Variants in ASTN2 observed in about 807,000 individuals in gnomAD.
ASTN2 encodes astrotactin-2.
ASTN2 carries 54 observed loss-of-function variants against 139.8 expected under a neutral mutation model. That is an observed-to-expected ratio of 0.39 (90% CI 0.31 to 0.48). The LOEUF (loss-of-function observed/expected upper bound fraction) is 0.48. Ranked by LOEUF, ASTN2 falls within the 20% of genes least tolerant of loss-of-function variation. ASTN2 has a pLI of 0.95. For synonymous variants in ASTN2, 756 were observed against 719.5 expected, an observed-to-expected ratio of 1.05 and a Z score of -0.81; for missense variants, 1,565 against 1,725.1, an observed-to-expected ratio of 0.91 and a Z score of 1.64.
At chr9:117,147,914 A>T (rs538408613) in intron 3 of ASTN2, among the ~76,000 whole-genome samples, 15 of 152,198 alleles carry the variant, frequency 9.9e-5, no homozygotes, top group African/African-American at 3.1e-4. Flanking sequence ...TGGAGTTTGG[A>T]TGTGACATTT....
intron 11 of ASTN2, among the ~76,000 whole-genome samples, chr9:116,858,932 T>A (rs575115683): frequency 6.6e-6 from 1 of 152,228 alleles, no homozygotes; most frequent in Admixed American, 6.5e-5. Flanking sequence ...CTCACAGTTC[T>A]ACAATTTAAA....
At chr9:117,147,854 A>T (rs1428386356) in intron 3 of ASTN2, among the ~76,000 whole-genome samples, 1 of 152,034 alleles carries the variant, frequency 6.6e-6, no homozygotes, top group African/African-American at 2.4e-5. Flanking sequence ...CTGTTGCTGC[A>T]CTCTATAAGT....
At chr9:116,687,140 G>A (rs1860271351) in intron 16 of ASTN2, 3 of 1,086,456 alleles carry the variant, frequency 2.8e-6, no homozygotes, top group Admixed American at 4.3e-5. Flanking sequence ...CGGAAAACTG[G>A]ATTACGTGTC....
At chr9:116,752,913 T>C (rs1829435736) in intron 13 of ASTN2, among the ~76,000 whole-genome samples, 1 of 152,200 alleles carries the variant, frequency 6.6e-6, no homozygotes, top group African/African-American at 2.4e-5. Flanking sequence ...TAATTGCTGG[T>C]GGGAATGCAA....
At chr9:117,111,618 T>C (rs924825580) in intron 4 of ASTN2, among the ~76,000 whole-genome samples, 2 of 151,948 alleles carry the variant, frequency 1.3e-5, no homozygotes, top group Admixed American at 1.3e-4. Flanking sequence ...CAGAGAGATA[T>C]AGAATAATAA....
rs1165741544 is a variant in ASTN2 at position 116,585,686 on chromosome 9, TAAATTTAAGTCCTCC to T, written c.3355+32623_3355+32637del. ...ATTAACTCAAGATGGATTAAAGATT[TAAATTTAAGTCCTCC>T]AACTATAAGAATCCTAGAAGAAAAC... On this transcript the variant is annotated intron_variant, in intron 19 of 22. Transcript: ENST00000313400. 3.3e-5 allele frequency: 5 copies of T among 152,304 alleles called. No homozygotes were observed. In the East Asian group the frequency reaches 9.6e-4, roughly 29 times the overall value. The allele number at this position is 152,304 out of a possible 1,614,324, so 9.4% of individuals were successfully genotyped here.
intron 3 of ASTN2, chr9:117,197,434 T>C (rs758179972): frequency 2.6e-5 from 4 of 152,218 alleles, no homozygotes; most frequent in Non-Finnish European, 4.4e-5. Flanking sequence ...CAGTACAGAC[T>C]TCAGTGGGAG....
chr9:116,464,735 C>T (rs539330764), intron 20 of ASTN2, among the ~76,000 whole-genome samples: 1 of 152,268 alleles, frequency 6.6e-6, no homozygotes, highest in South Asian at 2.1e-4. Context: ...AATTTTGTTT[C>T]TGTTTTTTGT....
At chr9:117,092,765 C>T (rs529724124) in intron 5 of ASTN2, among the ~76,000 whole-genome samples, 5 of 152,222 alleles carry the variant, frequency 3.3e-5, no homozygotes, top group African/African-American at 7.2e-5. Flanking sequence ...GCTCACACAC[C>T]CCTGGGCAGA....
At chr9:117,169,026 A>T (rs1830731140) in intron 3 of ASTN2, among the ~76,000 whole-genome samples, 1 of 152,160 alleles carries the variant, frequency 6.6e-6, no homozygotes, top group Non-Finnish European at 1.5e-5. Context: ...TGGGGATAAT[A>T]GCGCTTACCT....
chr9:117,382,991 T>C lies in ASTN2; in HGVS notation c.442+31506A>G, dbSNP rs188504613. Among the ~76,000 whole-genome samples, 70 of 152,274 alleles carry C rather than the reference T, an allele frequency of 4.6e-4. No homozygotes were observed. The East Asian group carries it at 0.013, about 27-fold the overall frequency. On this transcript the variant is annotated intron_variant, in intron 1 of 22. Coordinates refer to ENST00000313400, the MANE Select transcript of ASTN2 (RefSeq NM_001365068.1). Reference sequence around the variant, plus strand: ...GTGAAGGGCCAGACAGTAAATATATTAGGCTTTGGGGACCAGAGAGTCTCT... The same window carrying C: ...GTGAAGGGCCAGACAGTAAATATATCAGGCTTTGGGGACCAGAGAGTCTCT...
chr9:116,865,999 T>TG (rs1383127885), intron 10 of ASTN2, among the ~76,000 whole-genome samples: 3 of 152,212 alleles, frequency 2.0e-5, no homozygotes, highest in Non-Finnish European at 2.9e-5. Flanking sequence ...ACAGTAGCTT[T>TG]ATGTTACCGC....
At chr9:116,883,478 A>G (rs1833508070) in intron 10 of ASTN2, among the ~76,000 whole-genome samples, 1 of 152,150 alleles carries the variant, frequency 6.6e-6, no homozygotes, top group South Asian at 2.1e-4. Flanking sequence ...GGGTTTGCGG[A>G]AATTCACATC....
At chr9:117,344,793 G>C (rs1829164411) in intron 1 of ASTN2, among the ~76,000 whole-genome samples, 2 of 152,142 alleles carry the variant, frequency 1.3e-5, no homozygotes, top group Admixed American at 1.3e-4. Context: ...GGGAATACAG[G>C]GGAGGGAAGC....
intron 10 of ASTN2, among the ~76,000 whole-genome samples, chr9:116,909,524 G>A (rs1190430503): frequency 6.6e-6 from 1 of 152,160 alleles, no homozygotes; most frequent in Non-Finnish European, 1.5e-5. Context: ...GTCAGACATG[G>A]TACGTTTGAG....
chr9:117,194,810 G>T (rs1264197709), intron 3 of ASTN2, among the ~76,000 whole-genome samples: 1 of 152,174 alleles, frequency 6.6e-6, no homozygotes, highest in Non-Finnish European at 1.5e-5. Context: ...TTTTGATAAG[G>T]ATAATACATT....
chr9:116,852,876 A>G (rs200754521), intron 11 of ASTN2, among the ~76,000 whole-genome samples: 42 of 59,222 alleles, frequency 7.1e-4, no homozygotes, highest in Admixed American at 6.7e-3. Context: ...CCAAGGGGAA[A>G]ATACACACAC....
chr9:117,169,695 G>A (rs16934361), intron 3 of ASTN2, among the ~76,000 whole-genome samples: 17,013 of 151,740 alleles, frequency 0.11, 1,044 homozygotes, highest in East Asian at 0.18. Flanking sequence ...TTCTGTGGGC[G>A]CCTACTATGT....
At chr9:116,534,278 G>A (rs769530079) in intron 19 of ASTN2, among the ~76,000 whole-genome samples, 1 of 151,952 alleles carries the variant, frequency 6.6e-6, no homozygotes, top group Non-Finnish European at 1.5e-5. Context: ...CTTGCTAGTG[G>A]TCTATCAATT....
Sources: gnomAD v4.1 joint callset for allele counts (sites outside exome capture counted in the v4.1 genomes callset) on GRCh38, gnomAD v4.1.1 for gene constraint, MANE v1.5 for transcripts, NCBI Gene and HGNC (gene_info 2026-07-23, HGNC 2026-07-21) for gene names.